The following DPM1 variants were observed in gnomAD, a reference collection of about 807,000 sequenced individuals.
DPM1 encodes the protein dolichyl-phosphate mannosyltransferase subunit 1, catalytic, also known as dolichol-phosphate mannosyltransferase subunit 1.
A neutral mutation model predicts 39.0 loss-of-function variants in DPM1; 27 were observed. That is an observed-to-expected ratio of 0.69 (90% CI 0.51 to 0.95). The LOEUF is 0.95. DPM1 is among the 40% of genes least tolerant of loss of function. The pLI is 0.00. For synonymous variants in DPM1, 124 were observed against 109.0 expected, an observed-to-expected ratio of 1.14 and a Z score of -0.86; for missense variants, 307 against 315.6, an observed-to-expected ratio of 0.97 and a Z score of 0.21.
chr20:50,956,855 A>T (rs1456170934), intron 1 of DPM1, among the ~76,000 whole-genome samples: 2 of 152,222 alleles, frequency 1.3e-5, no homozygotes, highest in Non-Finnish European at 2.9e-5. Flanking sequence ...ACACCACCTG[A>T]GGGTGAGGCA....
chr20:50,935,128 TC>T lies in DPM1; in HGVS notation c.*3del, dbSNP rs1985034787. The T allele has an allele frequency of 6.7e-7, 1 of 1,494,460 alleles. No individual in the cohort carries two copies. The highest frequency in any genetic ancestry group is 1.4e-5 in the African/African-American group (1 of 72,582). The allele number at this position is 1,494,460 out of a possible 1,614,324, so 92.6% of individuals were successfully genotyped here. ...GAACGTAACTATAAATGAGTATCTT[TC>T]TTTTATGTAGTAGCAAAAAGAGTCA... On this transcript the variant is annotated 3_prime_UTR_variant, in exon 9 of 9. Coordinates refer to ENST00000371588, the MANE Select transcript of DPM1 (RefSeq NM_003859.3).
intron 7 of DPM1, 49 bp downstream of exon 7, chr20:50,940,812 TAAAG>T: frequency 3.7e-6 from 5 of 1,361,080 alleles, no homozygotes; most frequent in Non-Finnish European, 5.3e-6. Flanking sequence ...ATATCCATTG[TAAAG>T]AAAGTTAGCC....
At position 50,936,271 on chromosome 20, in the gene DPM1, A is replaced by T. The variant is rs370967179; in HGVS notation, c.564-9T>A. 3 of 1,536,520 alleles carry T rather than the reference A, an allele frequency of 2.0e-6. No homozygotes were observed. Among genetic ancestry groups the T allele is most frequent in the Non-Finnish European group, 2.7e-6 (3 of 1,112,134 alleles). On this transcript the variant is annotated splice_polypyrimidine_tract_variant and intron_variant, in intron 7 of 8. Coordinates refer to ENST00000371588, the MANE Select transcript of DPM1 (RefSeq NM_003859.3). Reference sequence around the variant, plus strand: ...CTTCTTTTCGGTATAATCTGTAAGAAATTAAAAATATATATCAACTTCTGG... The same window carrying T: ...CTTCTTTTCGGTATAATCTGTAAGATATTAAAAATATATATCAACTTCTGG...
intron 7 of DPM1, among the ~76,000 whole-genome samples, chr20:50,938,739 G>T (rs1328408805): frequency 6.6e-6 from 1 of 150,912 alleles, no homozygotes; most frequent in African/African-American, 2.4e-5. Flanking sequence ...CAGCACTTGG[G>T]GAGGCGGAGG....
intron 4 of DPM1, 28 bp from the exon 5 acceptor site, chr20:50,945,790 G>A: frequency 6.3e-7 from 1 of 1,597,796 alleles, no homozygotes; most frequent in Non-Finnish European, 8.6e-7. Flanking sequence ...TAAACAGTAA[G>A]TCAGTAAAAC....
At chr20:50,941,354 C>CATATACATATATATTCATATTATAT (rs1985782936) in intron 6 of DPM1, 1 of 132,488 alleles carries the variant, frequency 7.5e-6, no homozygotes, top group Non-Finnish European at 1.5e-5. Flanking sequence ...TATATATATT[C>CATATACATATATATTCATATTATAT]ATATACATAT....
chr20:50,943,933 G>T (rs1986091535), intron 5 of DPM1, among the ~76,000 whole-genome samples: 1 of 151,538 alleles, frequency 6.6e-6, no homozygotes, highest in Non-Finnish European at 1.5e-5. Flanking sequence ...GTAGAGACAG[G>T]GTTTCACCGT....
chr20:50,938,524 A>G (rs896375006), intron 7 of DPM1, among the ~76,000 whole-genome samples: 11 of 151,320 alleles, frequency 7.3e-5, no homozygotes, highest in African/African-American at 2.7e-4. Context: ...CTGGGACTAC[A>G]GGCGCCCGCC....
At chr20:50,951,358 T>C (rs1986567052) in intron 2 of DPM1, among the ~76,000 whole-genome samples, 1 of 152,226 alleles carries the variant, frequency 6.6e-6, no homozygotes, top group East Asian at 1.9e-4. Flanking sequence ...TACAGGAAGA[T>C]GGCAGTTATG....
chr20:50,949,170 A>G lies in DPM1; in HGVS notation c.262-508T>C, dbSNP rs140846461. Among the ~76,000 whole-genome samples the G allele has an allele frequency of 1.3e-3, 195 of 152,322 alleles. 1 individual carries two copies. Among genetic ancestry groups the G allele is most frequent in the African/African-American group, 4.4e-3 (183 of 41,568 alleles). On this transcript the variant is annotated intron_variant, in intron 2 of 8. Transcript: ENST00000371588. ...CACCGCGCCCGTCCAGCAAAGCAAC[A>G]TTCTTTAACCCTGACCCTACAATCA...
intron 1 of DPM1, among the ~76,000 whole-genome samples, chr20:50,957,789 A>G (rs1181087198): frequency 6.6e-6 from 1 of 152,246 alleles, no homozygotes; most frequent in Non-Finnish European, 1.5e-5. Flanking sequence ...AAAACACTGC[A>G]TTAACACTTC....
intron 5 of DPM1, among the ~76,000 whole-genome samples, chr20:50,943,046 C>G (rs1278040898): frequency 1.3e-5 from 2 of 152,006 alleles, no homozygotes; most frequent in African/African-American, 4.8e-5. Flanking sequence ...TGTAGTGGCA[C>G]GTGCCTGTAT....
At chr20:50,951,594 G>A (rs1274405805) in intron 2 of DPM1, among the ~76,000 whole-genome samples, 1 of 152,084 alleles carries the variant, frequency 6.6e-6, no homozygotes, top group African/African-American at 2.4e-5. Context: ...TTCAAGAAGA[G>A]CCTGACCAAC....
intron 7 of DPM1, among the ~76,000 whole-genome samples, chr20:50,937,192 G>C (rs1408732849): frequency 6.6e-6 from 1 of 152,126 alleles, no homozygotes; most frequent in Non-Finnish European, 1.5e-5. Flanking sequence ...TGGACCTACT[G>C]TGCCTCAGGG....
intron 8 of DPM1, among the ~76,000 whole-genome samples, chr20:50,935,887 T>C (rs753176381): frequency 1.3e-5 from 2 of 152,194 alleles, no homozygotes; most frequent in African/African-American, 2.4e-5. Context: ...TAATGCTGAT[T>C]AGTTAGAAGA....
intron 7 of DPM1, among the ~76,000 whole-genome samples, chr20:50,939,848 A>G (rs1181749836): frequency 6.7e-6 from 1 of 148,648 alleles, no homozygotes; most frequent in Non-Finnish European, 1.5e-5. Context: ...CCTGACTTCA[A>G]GTGATCCACA....
At chr20:50,940,089 TGTGTGTG>T (rs1985591589) in intron 7 of DPM1, among the ~76,000 whole-genome samples, 1 of 38,700 alleles carries the variant, frequency 2.6e-5, no homozygotes, top group Non-Finnish European at 5.0e-5. Flanking sequence ...TCCTAATTTG[TGTGTGTG>T]TGTGTGTGTG....
At chr20:50,955,763 C>T (rs1050243249) in intron 1 of DPM1, among the ~76,000 whole-genome samples, 1 of 152,164 alleles carries the variant, frequency 6.6e-6, no homozygotes, top group Non-Finnish European at 1.5e-5. Flanking sequence ...CGGGGTTTCA[C>T]CGTGTTAGCC....
chr20:50,941,978 G>T, intron 6 of DPM1, 53 bp downstream of exon 6: 2 of 1,448,430 alleles, frequency 1.4e-6, no homozygotes, highest in Non-Finnish European at 1.9e-6. Context: ...TACTTGCTAT[G>T]AATACATTTC....
Sources: gnomAD v4.1 joint callset for allele counts (sites outside exome capture counted in the v4.1 genomes callset) on GRCh38, gnomAD v4.1.1 for gene constraint, MANE v1.5 for transcripts, NCBI Gene and HGNC (gene_info 2026-07-23, HGNC 2026-07-21) for gene names.